The following PTPN14 variants were observed in gnomAD, a reference collection of about 807,000 sequenced individuals.
The protein encoded by PTPN14 is tyrosine-protein phosphatase non-receptor type 14.
In PTPN14, 53 loss-of-function variants were observed where a neutral mutation model predicts 126.8. The ratio of observed to expected loss-of-function variants is 0.42; its 90% CI spans 0.34 to 0.53. The LOEUF is 0.53. Among genes scored for constraint, PTPN14 ranks in the 20% least tolerant of loss-of-function variants. The pLI is 0.08. For missense variants in PTPN14, 1,257 were observed against 1,552.9 expected (o/e 0.81, Z 3.20); for synonymous variants, 630 against 599.3 (o/e 1.05, Z -0.75).
chr1:214,463,210 T>G (rs1301965285), intron 2 of PTPN14, among the ~76,000 whole-genome samples: 2 of 152,260 alleles, frequency 1.3e-5, no homozygotes, highest in Non-Finnish European at 2.9e-5. Context: ...ACTAGTTTTC[T>G]ATAAGAACTT....
intron 3 of PTPN14, among the ~76,000 whole-genome samples, chr1:214,421,618 T>A (rs995197378): frequency 6.6e-6 from 1 of 152,170 alleles, no homozygotes; most frequent in Non-Finnish European, 1.5e-5. Flanking sequence ...AAACACCCAA[T>A]GATCCTAATC....
intron 3 of PTPN14, among the ~76,000 whole-genome samples, chr1:214,435,674 A>ACC (rs2102614043): frequency 6.6e-6 from 1 of 152,332 alleles, no homozygotes; most frequent in African/African-American, 2.4e-5. Context: ...TCATTACAGA[A>ACC]ATGCAAATCA....
At chr1:214,488,536 ATAAGTCT>A (rs995851573) in intron 1 of PTPN14, among the ~76,000 whole-genome samples, 1 of 152,232 alleles carries the variant, frequency 6.6e-6, no homozygotes, top group Non-Finnish European at 1.5e-5. Flanking sequence ...GCATGCTGTC[ATAAGTCT>A]TATCTTTTTC....
chr1:214,373,604 CACA>C (rs1558073843), intron 15 of PTPN14, among the ~76,000 whole-genome samples: 6 of 131,776 alleles, frequency 4.6e-5, no homozygotes, highest in South Asian at 2.4e-4. Flanking sequence ...CACACACACA[CACA>C]CCTGGTCATG....
intron 1 of PTPN14, among the ~76,000 whole-genome samples, chr1:214,520,143 G>A (rs1034222380): frequency 4.7e-5 from 7 of 149,324 alleles, no homozygotes; most frequent in African/African-American, 1.7e-4. Flanking sequence ...ATTTGGTAGA[G>A]ATGCAATGAG....
chr1:214,496,344 T>G (rs528358956), intron 1 of PTPN14, among the ~76,000 whole-genome samples: 61 of 152,282 alleles, frequency 4.0e-4, no homozygotes, highest in African/African-American at 1.4e-3. Flanking sequence ...TAGCCCAGTG[T>G]TAGGCTTAGC....
At chr1:214,496,183 T>C (rs1262093796) in intron 1 of PTPN14, among the ~76,000 whole-genome samples, 1 of 152,202 alleles carries the variant, frequency 6.6e-6, no homozygotes, top group Non-Finnish European at 1.5e-5. Flanking sequence ...ATACTTTTGC[T>C]CTGCAGTATT....
At chr1:214,410,601 C>CT (rs143942464) in intron 5 of PTPN14, among the ~76,000 whole-genome samples, 1,572 of 152,222 alleles carry the variant, frequency 0.01, 34 homozygotes, top group African/African-American at 0.036. Flanking sequence ...ACATTTAAGT[C>CT]TTTAATACAT....
chr1:214,509,079 TG>T (rs1208226187), intron 1 of PTPN14, among the ~76,000 whole-genome samples: 2 of 152,354 alleles, frequency 1.3e-5, no homozygotes, highest in East Asian at 1.9e-4. Context: ...GAATGATCAA[TG>T]AGCACTTACT....
In PTPN14 at chr1:214,535,095, C is replaced by T. The variant is rs149258363; in HGVS notation, c.-155+16088G>A. 4.6e-3 allele frequency among the ~76,000 whole-genome samples: 694 copies of T among 152,004 alleles called. 1 individual carries two copies. Among genetic ancestry groups the T allele is most frequent in the Non-Finnish European group, 7.8e-3 (533 of 67,972 alleles). ...AAAAATAGGTAGACACAAAAGATAT[C>T]GATATAAGGCAAGCCAATGAGTACC... On this transcript the variant is annotated intron_variant, in intron 1 of 18. Transcript: ENST00000366956.
At chr1:214,481,821 T>C (rs1660994715) in intron 1 of PTPN14, among the ~76,000 whole-genome samples, 1 of 151,268 alleles carries the variant, frequency 6.6e-6, no homozygotes, top group Admixed American at 6.6e-5. Flanking sequence ...CCATCTCTAC[T>C]AAAAATACAA....
At chr1:214,422,780 G>A (rs1478395186) in intron 3 of PTPN14, among the ~76,000 whole-genome samples, 1 of 152,152 alleles carries the variant, frequency 6.6e-6, no homozygotes, top group African/African-American at 2.4e-5. Flanking sequence ...TCATCTCTGT[G>A]AATGGGCACA....
At chr1:214,478,937 C>T (rs80204702) in intron 1 of PTPN14, among the ~76,000 whole-genome samples, 2,974 of 152,082 alleles carry the variant, frequency 0.02, 95 homozygotes, top group African/African-American at 0.067. Context: ...GAGCACTCTC[C>T]CATTATCACA....
At chr1:214,534,712 C>CAATAAATAAATAAATA (rs138500520) in intron 1 of PTPN14, among the ~76,000 whole-genome samples, 28,412 of 141,384 alleles carry the variant, frequency 0.2, 3,133 homozygotes, top group Middle Eastern at 0.27. Context: ...GACTCCTTCT[C>CAATAAATAAATAAATA]AATAAATAAA....
Position 214,376,297 on chromosome 1 carries a change from G to C in PTPN14, c.2829C>G (p.Val943=). The part of the protein sequence containing the change: ...NAERSRIREV[V]PYEENRVELI... ...GCTCTACTCGATTCTCCTCATAGGGGACAACTTCACGGATTCGGCTGCGCT... is the reference window on the plus strand; with the variant it reads ...GCTCTACTCGATTCTCCTCATAGGGCACAACTTCACGGATTCGGCTGCGCT... The change falls in exon 15 of 19, where the codon GTC becomes GTG. Residue 943 remains valine, a synonymous_variant. Coordinates refer to ENST00000366956, the MANE Select transcript of PTPN14 (RefSeq NM_005401.5). 1 of 1,614,186 alleles carries C rather than the reference G, an allele frequency of 6.2e-7. No homozygotes were observed. Among genetic ancestry groups the C allele is most frequent in the Admixed American group, 1.7e-5 (1 of 60,026 alleles).
Position 214,384,171 on chromosome 1 carries a change from A to C in PTPN14, c.1684T>G (p.Tyr562Asp). The stretch of plus-strand genomic sequence containing the variant: ...TAGGGGGGCGGTGGCCTGAAGAGAT[A>C]GTTCTTAAGCATGTGGGCCGTGCTG... ...NYSTAHMLKN[Y>D]LFRPPPPYPR... Residue 562 changes from tyrosine (Y) to aspartate (D), a missense_variant, in exon 13 of 19, where the codon TAT (tyrosine) becomes GAT (aspartate). Tyr to Asp is a radical substitution (Grantham distance 160). Transcript: ENST00000366956. The surrounding 1 kb of genome is among the most constrained non-coding windows in gnomAD (Gnocchi z 5.3). The C allele has an allele frequency of 6.3e-7, 1 of 1,594,860 alleles. No homozygotes were observed. The highest frequency in any genetic ancestry group is 1.1e-5 in the South Asian group (1 of 88,262).
chr1:214,349,053 G>A lies in PTPN14; in HGVS notation c.*8869C>T. 6.6e-6 allele frequency: 1 copy of A among 152,166 alleles called. No individual in the cohort carries two copies. The highest frequency in any genetic ancestry group is 1.9e-4 in the East Asian group (1 of 5,196). The allele number at this position is 152,166 out of a possible 1,614,324, so 9.4% of individuals were successfully genotyped here. A position where few individuals can be genotyped will look rare whatever the true frequency, so the allele number is the denominator to read the frequency against. Reference sequence around the variant, plus strand: ...GATAGGGAGTCTATACCAAAGTACAGTTGACATGAATAGTGATAAAAATCA... The same window carrying A: ...GATAGGGAGTCTATACCAAAGTACAATTGACATGAATAGTGATAAAAATCA... On this transcript the variant is annotated 3_prime_UTR_variant, in exon 19 of 19. Transcript: ENST00000366956.
In PTPN14 at chr1:214,386,846, T is replaced by A. The variant is rs1658627250; in HGVS notation, c.1064A>T (p.Gln355Leu). The A allele has an allele frequency of 6.3e-7, 1 of 1,593,026 alleles. No individual in the cohort carries two copies. Among genetic ancestry groups the A allele is most frequent in the Admixed American group, 1.7e-5 (1 of 59,842 alleles). Residue 355 changes from glutamine to leucine, a missense_variant and splice_region_variant, in exon 12 of 19, where the codon CAA (glutamine) becomes CTA (leucine). By Grantham distance (113) the Gln-to-Leu change is moderately radical. Coordinates refer to ENST00000366956, the MANE Select transcript of PTPN14 (RefSeq NM_005401.5). ...GGAGAACGGCAAGCCAGAGTTACCT[T>A]GCGAGGTGTGCGTTTCCGAGTAGTG... ...GEHYSETHTS[Q>L]DSIFHGNEEA... is the part of the protein sequence containing the mutation.
chr1:214,421,912 G>A (rs1262342543), intron 3 of PTPN14, among the ~76,000 whole-genome samples: 1 of 152,118 alleles, frequency 6.6e-6, no homozygotes, highest in East Asian at 1.9e-4. Flanking sequence ...CAACAAGTTA[G>A]TGAACCCTTT....
Sources: allele counts gnomAD v4.1 joint callset (sites outside exome capture counted in the v4.1 genomes callset), GRCh38; gene constraint gnomAD v4.1.1; non-coding constraint Gnocchi (gnomAD v3.1); transcripts MANE v1.5; gene names NCBI Gene and HGNC (gene_info 2026-07-23, HGNC 2026-07-21).